Variants in VTI1A observed in about 807,000 individuals in gnomAD.
VTI1A encodes vesicle transport through interaction with t-SNAREs homolog 1A.
Under a neutral mutation model 34.9 loss-of-function variants are expected in VTI1A, and 22 were observed. The observed-to-expected ratio is 0.63, with a 90% CI of 0.45 to 0.90. The LOEUF (loss-of-function observed/expected upper bound fraction) is 0.90. VTI1A is among the 40% of genes least tolerant of loss of function. The pLI is 0.00. For missense variants in VTI1A, 268 were observed against 275.6 expected (o/e 0.97, Z 0.20); for synonymous variants, 87 against 97.3 (o/e 0.89, Z 0.62).
intron 5 of VTI1A, among the ~76,000 whole-genome samples, chr10:112,553,737 C>T (rs1266536089): frequency 6.6e-6 from 1 of 152,328 alleles, no homozygotes; most frequent in East Asian, 1.9e-4. Context: ...ATTAATTCTA[C>T]CTGTGTTCCA....
At chr10:112,632,053 G>A (rs956559996) in intron 5 of VTI1A, among the ~76,000 whole-genome samples, 9 of 152,246 alleles carry the variant, frequency 5.9e-5, no homozygotes, top group African/African-American at 2.2e-4. Context: ...GCCAGCCATG[G>A]TTATGTTGAT....
intron 7 of VTI1A, among the ~76,000 whole-genome samples, chr10:112,747,340 CAG>C (rs1251774671): frequency 2.0e-5 from 3 of 152,214 alleles, no homozygotes; most frequent in African/African-American, 7.2e-5. Flanking sequence ...GCGAACATTA[CAG>C]AGTGTGCTTA....
intron 7 of VTI1A, among the ~76,000 whole-genome samples, chr10:112,742,994 T>G (rs1850746787): frequency 6.6e-6 from 1 of 151,244 alleles, no homozygotes; most frequent in South Asian, 2.1e-4. Context: ...ATGTTGTTGA[T>G]TTAGCTGGGA....
At chr10:112,472,488 A>G (rs1419304443) in intron 3 of VTI1A, among the ~76,000 whole-genome samples, 1 of 151,640 alleles carries the variant, frequency 6.6e-6, no homozygotes, top group Non-Finnish European at 1.5e-5. Flanking sequence ...AGGTGAATGG[A>G]CAACTTGAGT....
intron 7 of VTI1A, among the ~76,000 whole-genome samples, chr10:112,714,387 A>G (rs896413857): frequency 6.6e-6 from 1 of 152,068 alleles, no homozygotes; most frequent in African/African-American, 2.4e-5. Flanking sequence ...TTGTTGGCTT[A>G]TTGTCATCAC....
chr10:112,534,907 C>T (rs931011295), intron 4 of VTI1A, among the ~76,000 whole-genome samples: 2 of 152,132 alleles, frequency 1.3e-5, no homozygotes, highest in Admixed American at 1.3e-4. Flanking sequence ...TTGAAAACCT[C>T]TATACGAAGA....
At chr10:112,822,774 C>G (rs145950676), downstream of VTI1A, among the ~76,000 whole-genome samples, 265 of 152,300 alleles carry the variant, frequency 1.7e-3, no homozygotes, top group African/African-American at 6.1e-3. Flanking sequence ...GACAAGACTT[C>G]TAAATAATCT....
chr10:112,791,164 G>A (rs1297374460), intron 7 of VTI1A, among the ~76,000 whole-genome samples: 3 of 152,142 alleles, frequency 2.0e-5, no homozygotes, highest in Admixed American at 6.5e-5. Flanking sequence ...TGTTTTTGGC[G>A]GAACTGTTGA....
At chr10:112,672,295 C>T (rs931983293) in intron 7 of VTI1A, among the ~76,000 whole-genome samples, 5 of 151,992 alleles carry the variant, frequency 3.3e-5, no homozygotes, top group Non-Finnish European at 5.9e-5. Flanking sequence ...CTGCTTCAAC[C>T]GAAAAGAAAT....
intron 7 of VTI1A, among the ~76,000 whole-genome samples, chr10:112,797,967 C>T (rs1852731331): frequency 6.6e-6 from 1 of 152,180 alleles, no homozygotes; most frequent in Non-Finnish European, 1.5e-5. Flanking sequence ...GAGATAGAAA[C>T]TCAGCCTTTT....
At chr10:112,625,244 A>G (rs996168113) in intron 5 of VTI1A, among the ~76,000 whole-genome samples, 1 of 152,390 alleles carries the variant, frequency 6.6e-6, no homozygotes, top group South Asian at 2.1e-4. Context: ...CAGCCATTAC[A>G]TATGGAAGCA....
chr10:112,659,872 G>A (rs1350028462), intron 5 of VTI1A, among the ~76,000 whole-genome samples: 1 of 152,200 alleles, frequency 6.6e-6, no homozygotes, highest in South Asian at 2.1e-4. Context: ...CATAGTAAAT[G>A]CTAATGTCCT....
chr10:112,493,309 T>A (rs558102198), intron 3 of VTI1A, among the ~76,000 whole-genome samples: 1 of 151,714 alleles, frequency 6.6e-6, no homozygotes, highest in Non-Finnish European at 1.5e-5. Flanking sequence ...ATATTCATCT[T>A]GTATCCTGCA....
At chr10:112,804,048 C>G (rs556450791) in intron 7 of VTI1A, among the ~76,000 whole-genome samples, 2 of 152,324 alleles carry the variant, frequency 1.3e-5, no homozygotes, top group Admixed American at 1.3e-4. Context: ...ATTTGCTGTA[C>G]ACATTTGGCA....
intron 5 of VTI1A, among the ~76,000 whole-genome samples, chr10:112,545,251 C>T (rs1261341061): frequency 6.6e-6 from 1 of 152,138 alleles, no homozygotes; most frequent in Admixed American, 6.5e-5. Flanking sequence ...TAAGGCTATC[C>T]CCAAAACAAA....
At chr10:112,791,702 G>A (rs1445444968) in intron 7 of VTI1A, among the ~76,000 whole-genome samples, 1 of 152,130 alleles carries the variant, frequency 6.6e-6, no homozygotes, top group African/African-American at 2.4e-5. Context: ...GGTGCTTGAA[G>A]GCAGCCTCCT....
At chr10:112,772,629 G>A (rs1014522153) in intron 7 of VTI1A, among the ~76,000 whole-genome samples, 11 of 152,164 alleles carry the variant, frequency 7.2e-5, no homozygotes, top group African/African-American at 2.7e-4. Context: ...ACACCACAAG[G>A]ACTTATTTAT....
intron 7 of VTI1A, among the ~76,000 whole-genome samples, chr10:112,683,148 T>A (rs1848278649): frequency 6.6e-6 from 1 of 152,236 alleles, no homozygotes; most frequent in South Asian, 2.1e-4. Flanking sequence ...AAAAAGTAGA[T>A]GAATGCAAAG....
At chr10:112,532,430 G>A (rs1850480510) in intron 4 of VTI1A, among the ~76,000 whole-genome samples, 1 of 152,172 alleles carries the variant, frequency 6.6e-6, no homozygotes, top group South Asian at 2.1e-4. Flanking sequence ...ATGTGGTTTA[G>A]TCTGTTACAA....
Sources: gnomAD v4.1 joint callset for allele counts (sites outside exome capture counted in the v4.1 genomes callset) on GRCh38, gnomAD v4.1.1 for gene constraint, MANE v1.5 for transcripts, NCBI Gene and HGNC (gene_info 2026-07-23, HGNC 2026-07-21) for gene names.